RAPGEF6: variants seen among roughly 807,000 people sequenced by gnomAD.
The protein encoded by RAPGEF6 is Rap guanine nucleotide exchange factor 6, also known as PDZ domain containing guanine nucleotide exchange factor (GEF) 2.
A neutral mutation model predicts 171.4 loss-of-function variants in RAPGEF6; 56 were observed. The ratio of observed to expected loss-of-function variants is 0.33; its 90% confidence interval spans 0.26 to 0.41. The LOEUF (loss-of-function observed/expected upper bound fraction) is 0.41, where lower values mean the gene tolerates loss of function less well. Among genes scored for constraint, RAPGEF6 ranks in the 10% least tolerant of loss-of-function variants. The pLI is 1.00. For missense variants in RAPGEF6, 1,674 were observed against 1,921.4 expected (o/e 0.87, Z 2.41); for synonymous variants, 692 against 650.1 (o/e 1.06, Z -0.98).
At chr5:131,450,764 G>A (rs1753011685) in intron 21 of RAPGEF6, among the ~76,000 whole-genome samples, 1 of 152,028 alleles carries the variant, frequency 6.6e-6, no homozygotes, top group Non-Finnish European at 1.5e-5. Context: ...TTTAGCACTG[G>A]CTGACAAAAC....
At chr5:131,479,783 A>G in intron 15 of RAPGEF6, 30 bp from the exon 16 acceptor site, 1 of 1,593,718 alleles carries the variant, frequency 6.3e-7, no homozygotes, top group East Asian at 2.2e-5. Flanking sequence ...GCGTCATTTT[A>G]TTTCTTCTCT....
intron 7 of RAPGEF6, among the ~76,000 whole-genome samples, chr5:131,516,747 TTCTA>T (rs1299120006): frequency 2.6e-5 from 4 of 152,354 alleles, no homozygotes; most frequent in Non-Finnish European, 5.9e-5. Context: ...GCAGAAAATA[TTCTA>T]TCTAAGAACA....
In RAPGEF6 at chr5:131,424,475, T is replaced by C. The variant is rs59787217; in HGVS notation, c.*2791A>G. On this transcript the variant is annotated 3_prime_UTR_variant, in exon 28 of 28. Transcript: ENST00000509018. ...TCAAAATAATCAGTTTTAAGGAAGC[T>C]TTTTCTCCTCCTTCCTTTTTTGTAG... is the stretch of plus-strand genomic sequence containing the variant. The C allele has an allele frequency of 7.7e-4, 117 of 152,454 alleles. No individual in the cohort carries two copies. Among genetic ancestry groups the C allele is most frequent in the African/African-American group, 2.7e-3 (113 of 41,566 alleles). The allele number at this position is 152,454 out of a possible 1,614,324, so 9.4% of individuals were successfully genotyped here.
intron 5 of RAPGEF6, among the ~76,000 whole-genome samples, chr5:131,559,451 G>A (rs1761452447): frequency 6.6e-6 from 1 of 152,162 alleles, no homozygotes; most frequent in Admixed American, 6.5e-5. Context: ...TAAAGCTTCA[G>A]GATTGTGTAA....
intron 7 of RAPGEF6, among the ~76,000 whole-genome samples, chr5:131,514,893 A>G (rs920855582): frequency 5.3e-5 from 8 of 152,204 alleles, no homozygotes; most frequent in Non-Finnish European, 8.8e-5. Flanking sequence ...ACCCTTAATT[A>G]TGATAAATGA....
intron 23 of RAPGEF6, among the ~76,000 whole-genome samples, chr5:131,440,381 T>C (rs1307395486): frequency 1.3e-5 from 2 of 152,194 alleles, no homozygotes; most frequent in African/African-American, 4.8e-5. Context: ...TTTCAATATA[T>C]TGACGTTTTT....
intron 1 of RAPGEF6, among the ~76,000 whole-genome samples, chr5:131,623,293 G>C (rs573025975): frequency 6.6e-6 from 1 of 152,238 alleles, no homozygotes; most frequent in South Asian, 2.1e-4. Context: ...CATCTGAATT[G>C]TCTCTCAAGA....
chr5:131,606,913 T>C (rs1343944596), intron 1 of RAPGEF6, among the ~76,000 whole-genome samples: 1 of 152,122 alleles, frequency 6.6e-6, no homozygotes, highest in Non-Finnish European at 1.5e-5. Context: ...AAAAGAATGA[T>C]CCCAATTGAG....
chr5:131,599,256 T>G (rs1164016689), intron 3 of RAPGEF6, among the ~76,000 whole-genome samples: 1 of 151,944 alleles, frequency 6.6e-6, no homozygotes, highest in Non-Finnish European at 1.5e-5. Context: ...GAACCCAGGA[T>G]GCAGAGGTTG....
chr5:131,477,893 G>C (rs1370562129), intron 16 of RAPGEF6, among the ~76,000 whole-genome samples: 1 of 152,030 alleles, frequency 6.6e-6, no homozygotes, highest in Non-Finnish European at 1.5e-5. Flanking sequence ...CTGGATCCTC[G>C]GTTTTGTCCC....
chr5:131,478,076 T>C (rs1755232000), intron 16 of RAPGEF6, among the ~76,000 whole-genome samples: 1 of 152,150 alleles, frequency 6.6e-6, no homozygotes, highest in South Asian at 2.1e-4. Flanking sequence ...GTAATGATTT[T>C]TATAAGCCAC....
chr5:131,445,380 C>A (rs749044466), intron 22 of RAPGEF6, among the ~76,000 whole-genome samples: 2 of 152,066 alleles, frequency 1.3e-5, no homozygotes, highest in Admixed American at 6.5e-5. Flanking sequence ...TATGCAAATA[C>A]CATATCATTT....
At chr5:131,625,107 C>G (rs1044977860) in intron 1 of RAPGEF6, among the ~76,000 whole-genome samples, 1 of 152,018 alleles carries the variant, frequency 6.6e-6, no homozygotes, top group Admixed American at 6.6e-5. Flanking sequence ...ACTAAAAATA[C>G]AAAAATCAGC....
intron 14 of RAPGEF6, 78 bp downstream of exon 14, chr5:131,492,504 T>C (rs1756348647): frequency 7.1e-7 from 1 of 1,413,976 alleles, no homozygotes; most frequent in South Asian, 1.2e-5. Flanking sequence ...GATCATGCTT[T>C]CTGGAAGATG....
intron 16 of RAPGEF6, among the ~76,000 whole-genome samples, chr5:131,476,483 G>A (rs1755102914): frequency 6.6e-6 from 1 of 151,706 alleles, no homozygotes; most frequent in African/African-American, 2.4e-5. Flanking sequence ...TTTTTGAGTC[G>A]GAGTTTCACT....
chr5:131,449,270 AAT>A (rs1230311461), intron 21 of RAPGEF6, among the ~76,000 whole-genome samples: 1 of 152,224 alleles, frequency 6.6e-6, no homozygotes, highest in East Asian at 1.9e-4. Context: ...CTCTATAACA[AAT>A]AGTGTCAGTT....
At chr5:131,531,433 C>T (rs1264502525) in intron 6 of RAPGEF6, among the ~76,000 whole-genome samples, 1 of 152,180 alleles carries the variant, frequency 6.6e-6, no homozygotes, top group African/African-American at 2.4e-5. Flanking sequence ...TATTTTCCTA[C>T]AACCTAGCCT....
intron 4 of RAPGEF6, among the ~76,000 whole-genome samples, chr5:131,572,756 C>G (rs1232483071): frequency 6.6e-6 from 1 of 152,132 alleles, no homozygotes; most frequent in Non-Finnish European, 1.5e-5. Context: ...CTCCCTCTTC[C>G]CCCTTAGCCT....
At chr5:131,435,702 T>C in intron 24 of RAPGEF6, 3 of 582,646 alleles carry the variant, frequency 5.1e-6, no homozygotes, top group Non-Finnish European at 7.8e-6. Flanking sequence ...AAAAGCCTCC[T>C]CTACATATTT....
Sources: gnomAD v4.1 joint callset for allele counts (sites outside exome capture counted in the v4.1 genomes callset) on GRCh38, gnomAD v4.1.1 for gene constraint, MANE v1.5 for transcripts, NCBI Gene and HGNC (gene_info 2026-07-23, HGNC 2026-07-21) for gene names.